The following ZNF516 variants were observed in gnomAD, a reference collection of about 807,000 sequenced individuals.
ZNF516 encodes zinc finger protein 516.
A neutral mutation model predicts 79.7 loss-of-function variants in ZNF516; 19 were observed. That is an observed-to-expected ratio of 0.24 (90% CI 0.17 to 0.35). The LOEUF (loss-of-function observed/expected upper bound fraction) is 0.35, where lower values mean the gene tolerates loss of function less well. Ranked by LOEUF, ZNF516 falls within the 10% of genes least tolerant of loss-of-function variation. The pLI is 1.00. For missense variants in ZNF516, 1,678 were observed against 1,679.5 expected (o/e 1.00, Z 0.02); for synonymous variants, 877 against 739.5 (o/e 1.19, Z -3.02).
chr18:76,430,603 G>T (rs1033584597), intron 3 of ZNF516, among the ~76,000 whole-genome samples: 2 of 152,238 alleles, frequency 1.3e-5, no homozygotes, highest in Admixed American at 1.3e-4. Context: ...AAGCATGTAT[G>T]TAAGTTTTCT....
At chr18:76,495,691 CG>C, upstream of ZNF516, 1 of 1,193,304 alleles carries the variant, frequency 8.4e-7, no homozygotes, top group Non-Finnish European at 1.1e-6. Flanking sequence ...CGCATCCATA[CG>C]TACAGACGTG....
At chr18:76,437,093 CACACACAT>C (rs1054583135) in intron 3 of ZNF516, among the ~76,000 whole-genome samples, 16 of 151,884 alleles carry the variant, frequency 1.1e-4, no homozygotes, top group African/African-American at 3.9e-4. Flanking sequence ...CACACACACA[CACACACAT>C]ACCGTCTCTC....
chr18:76,452,789 G>A (rs1599114340), intron 2 of ZNF516, among the ~76,000 whole-genome samples: 1 of 152,190 alleles, frequency 6.6e-6, no homozygotes, highest in South Asian at 2.1e-4. Flanking sequence ...CCTGGGGGAG[G>A]AGGGGCAGCT....
intron 1 of ZNF516, chr18:76,490,755 C>T: frequency 1.0e-6 from 1 of 985,214 alleles, no homozygotes; most frequent in African/African-American, 1.7e-5. Flanking sequence ...AAGTAGGATC[C>T]CCACTAAAGT....
chr18:76,408,482 G>A (rs917166516), intron 3 of ZNF516, among the ~76,000 whole-genome samples: 5 of 152,170 alleles, frequency 3.3e-5, no homozygotes, highest in East Asian at 1.9e-4. Context: ...GGTATAGCTC[G>A]GAAAGTACAC....
At chr18:76,397,056 A>G (rs2075156698) in intron 3 of ZNF516, among the ~76,000 whole-genome samples, 1 of 152,236 alleles carries the variant, frequency 6.6e-6, no homozygotes, top group Admixed American at 6.5e-5. Context: ...GAGCACAGAA[A>G]AGCCGGGGGA....
At chr18:76,496,408 GTCTC>G (rs1463241693), upstream of ZNF516, 3 of 1,289,672 alleles carry the variant, frequency 2.3e-6, no homozygotes, top group Non-Finnish European at 3.0e-6. Flanking sequence ...CAGCGGCGGC[GTCTC>G]TCTCTGCGCC....
chr18:76,367,035 C>T (rs1031601379), intron 6 of ZNF516, among the ~76,000 whole-genome samples: 10 of 152,230 alleles, frequency 6.6e-5, no homozygotes, highest in South Asian at 2.1e-4. Flanking sequence ...CGTATCTTCG[C>T]CTGCCTATTA....
intron 3 of ZNF516, among the ~76,000 whole-genome samples, chr18:76,403,006 G>T (rs770123878): frequency 1.3e-5 from 2 of 152,154 alleles, no homozygotes; most frequent in African/African-American, 4.8e-5. Flanking sequence ...GCTCACCTGC[G>T]CACCTTCCCA....
At chr18:76,419,763 G>C in intron 3 of ZNF516, among the ~76,000 whole-genome samples, 1 of 152,166 alleles carries the variant, frequency 6.6e-6, no homozygotes, top group Non-Finnish European at 1.5e-5. Flanking sequence ...CAGACACATG[G>C]AACTGTGATC....
At chr18:76,432,358 G>T (rs918962890) in intron 3 of ZNF516, among the ~76,000 whole-genome samples, 1 of 152,178 alleles carries the variant, frequency 6.6e-6, no homozygotes, top group Admixed American at 6.5e-5. Flanking sequence ...TCTGCCTTCC[G>T]TGCCAACACC....
chr18:76,453,302 C>T (rs1162581656), intron 2 of ZNF516, among the ~76,000 whole-genome samples: 1 of 152,126 alleles, frequency 6.6e-6, no homozygotes, highest in Non-Finnish European at 1.5e-5. Flanking sequence ...CCATTAAGAG[C>T]CCCATTTCCA....
intron 3 of ZNF516, among the ~76,000 whole-genome samples, chr18:76,403,880 C>G (rs996711897): frequency 1.3e-5 from 2 of 152,190 alleles, no homozygotes; most frequent in Admixed American, 6.5e-5. Flanking sequence ...TTTTTAAAAT[C>G]TGGGGAACAT....
At chr18:76,448,576 T>C (rs953973526) in intron 2 of ZNF516, among the ~76,000 whole-genome samples, 10 of 152,292 alleles carry the variant, frequency 6.6e-5, no homozygotes, top group South Asian at 4.1e-4. Flanking sequence ...AAGAAAACCA[T>C]GTTCACAAAG....
At chr18:76,496,264 A>G (rs1298078553), upstream of ZNF516, 2 of 1,285,564 alleles carry the variant, frequency 1.6e-6, no homozygotes, top group Non-Finnish European at 2.0e-6. Flanking sequence ...GGGTAACACT[A>G]TCTTCTCCCA....
intron 4 of ZNF516, 133 bp from the exon 5 acceptor site, chr18:76,371,704 T>A: frequency 1.4e-6 from 1 of 695,266 alleles, no homozygotes; most frequent in South Asian, 1.8e-5. Flanking sequence ...TGAGGCTCCC[T>A]TCAGGCCCTG....
rs369260290 is a variant in ZNF516, at chr18:76,458,767, T to C, written c.-158+4261A>G. On this transcript the variant is annotated intron_variant, in intron 2 of 6. Coordinates refer to ENST00000443185, the MANE Select transcript of ZNF516 (RefSeq NM_014643.4). Reference sequence around the variant, plus strand: ...CAGGCCTCACCGTCGTGCGTGTGTGTGCCTCGTGTGCGTGCCTCACCGTCG... The same window carrying C: ...CAGGCCTCACCGTCGTGCGTGTGTGCGCCTCGTGTGCGTGCCTCACCGTCG... Among the ~76,000 whole-genome samples, 19 of 136,950 alleles carry C rather than the reference T, an allele frequency of 1.4e-4. No individual in the cohort carries two copies. In the East Asian group the frequency reaches 1.8e-3, roughly 13 times the overall value. 89.8% of individuals were successfully genotyped at this position (136,950 alleles called of 152,430 possible).
chr18:76,480,679 C>T (rs986841302), intron 1 of ZNF516, among the ~76,000 whole-genome samples: 1 of 152,040 alleles, frequency 6.6e-6, no homozygotes, highest in Non-Finnish European at 1.5e-5. Context: ...CCCGCCACCA[C>T]GCTCAGTTAA....
intron 1 of ZNF516, among the ~76,000 whole-genome samples, chr18:76,484,448 A>T (rs1914712169): frequency 6.6e-6 from 1 of 152,214 alleles, no homozygotes; most frequent in Non-Finnish European, 1.5e-5. Context: ...ACACCAAGTC[A>T]ATGTAACACT....
Sources: gnomAD v4.1 joint callset for allele counts (sites outside exome capture counted in the v4.1 genomes callset) on GRCh38, gnomAD v4.1.1 for gene constraint, MANE v1.5 for transcripts, NCBI Gene and HGNC (gene_info 2026-07-23, HGNC 2026-07-21) for gene names.